NEK10: variants seen among roughly 807,000 people sequenced by gnomAD.
NEK10 encodes NIMA related kinase 10, also known as serine/threonine-protein kinase Nek10.
A neutral mutation model predicts 159.8 loss-of-function variants in NEK10; 122 were observed. The ratio of observed to expected loss-of-function variants is 0.76; its 90% CI spans 0.66 to 0.89. The LOEUF (loss-of-function observed/expected upper bound fraction) is 0.89, where lower values mean the gene tolerates loss of function less well. Ranked by LOEUF, NEK10 falls within the 40% of genes least tolerant of loss-of-function variation. The probability of loss-of-function intolerance (pLI) is 0.00; values close to 1 mark genes in which losing one functional copy is unlikely to be tolerated. For missense variants in NEK10, 1,342 were observed against 1,323.1 expected, an observed-to-expected ratio of 1.01 and a Z score of -0.22; for synonymous variants, 466 against 457.1, an observed-to-expected ratio of 1.02 and a Z score of -0.25.
intron 29 of NEK10, among the ~76,000 whole-genome samples, chr3:27,167,179 A>C (rs1443849134): frequency 6.6e-6 from 1 of 151,898 alleles, no homozygotes; most frequent in Admixed American, 6.6e-5. Context: ...AAAAAAAAAA[A>C]TGTGCCTTAA....
intron 24 of NEK10, 66 bp downstream of exon 24, chr3:27,202,362 G>A: frequency 6.8e-7 from 1 of 1,475,970 alleles, no homozygotes. Flanking sequence ...ACAAAGATCT[G>A]TTTAATAAGA....
intron 23 of NEK10, among the ~76,000 whole-genome samples, chr3:27,239,302 T>C (rs901553441): frequency 6.6e-6 from 1 of 152,198 alleles, no homozygotes; most frequent in Non-Finnish European, 1.5e-5. Context: ...AATATTCAAA[T>C]GTAGTAATTT....
chr3:27,204,249 C>T (rs1559605740), intron 23 of NEK10, among the ~76,000 whole-genome samples: 1 of 134,232 alleles, frequency 7.4e-6, no homozygotes, highest in East Asian at 2.2e-4. Context: ...GACAGCTTTC[C>T]ATTTTCTCCT....
At chr3:27,235,196 T>C (rs1216065214) in intron 23 of NEK10, among the ~76,000 whole-genome samples, 1 of 152,154 alleles carries the variant, frequency 6.6e-6, no homozygotes, top group Non-Finnish European at 1.5e-5. Flanking sequence ...ATTTAGGACA[T>C]AGGCACTGAC....
chr3:27,363,375 G>A (rs1171115717), intron 1 of NEK10, among the ~76,000 whole-genome samples: 1 of 152,116 alleles, frequency 6.6e-6, no homozygotes, highest in Non-Finnish European at 1.5e-5. Flanking sequence ...ACAGCTTTTT[G>A]GCTCATTCCC....
chr3:27,225,394 C>T (rs1952530802), intron 23 of NEK10, among the ~76,000 whole-genome samples: 1 of 152,186 alleles, frequency 6.6e-6, no homozygotes, highest in African/African-American at 2.4e-5. Context: ...AGTTGACACT[C>T]AGTATTAACC....
At chr3:27,319,432 C>G (rs2045458508) in intron 6 of NEK10, among the ~76,000 whole-genome samples, 1 of 152,224 alleles carries the variant, frequency 6.6e-6, no homozygotes, top group African/African-American at 2.4e-5. Flanking sequence ...CACCAGTTTG[C>G]AACCTCTGAG....
At chr3:27,148,568 C>T (rs988424587) in intron 30 of NEK10, among the ~76,000 whole-genome samples, 3 of 152,130 alleles carry the variant, frequency 2.0e-5, no homozygotes, top group Non-Finnish European at 4.4e-5. Context: ...TTGGTCAATG[C>T]AACAAACTAA....
chr3:27,141,475 C>T lies in NEK10; in HGVS notation c.2970+7G>A, dbSNP rs756415579. 8.8e-6 allele frequency: 14 copies of T among 1,594,376 alleles called. No homozygotes were observed. The highest frequency in any genetic ancestry group is 3.3e-4 in the Middle Eastern group (2 of 6,004). On this transcript the variant is annotated splice_region_variant and intron_variant, in intron 31 of 35. Transcript: ENST00000691995. ...ATGAAAAGGAAATAAAAAGCTAGAA[C>T]ACTGACCTGTGTGATATAGATTATT... is the stretch of plus-strand genomic sequence containing the variant.
At position 27,312,176 on chromosome 3, in the gene NEK10, T is replaced by C. The variant is rs761560283; in HGVS notation, c.491A>G (p.Tyr164Cys). 1.4e-5 allele frequency: 22 copies of C among 1,602,148 alleles called. No individual in the cohort carries two copies. Among genetic ancestry groups the C allele is most frequent in the South Asian group, 1.2e-4 (11 of 89,212 alleles). The change falls in exon 8 of 36, where the codon TAT (tyrosine) becomes TGT (cysteine). Residue 164 changes from tyrosine to cysteine, a missense_variant and splice_region_variant. Coordinates refer to ENST00000691995, the MANE Select transcript of NEK10 (RefSeq NM_001394966.1). ...SLGGIENLAQ[Y>C]MEIVANEYLG... Reference sequence around the variant, plus strand: ...GTACTCATTGGCTACAATCTCCATATACTGCATGAAGGACCAAACCAACAA... The same window carrying C: ...GTACTCATTGGCTACAATCTCCATACACTGCATGAAGGACCAAACCAACAA...
At chr3:27,184,274 G>A (rs539852644) in intron 26 of NEK10, among the ~76,000 whole-genome samples, 3 of 152,278 alleles carry the variant, frequency 2.0e-5, no homozygotes, top group Admixed American at 6.5e-5. Flanking sequence ...TACACACCAC[G>A]TGGGTGAATC....
At chr3:27,302,068 T>C (rs2043869515) in intron 12 of NEK10, among the ~76,000 whole-genome samples, 1 of 152,240 alleles carries the variant, frequency 6.6e-6, no homozygotes, top group Non-Finnish European at 1.5e-5. Context: ...CCCACTGCTC[T>C]ACATGGCCAC....
Position 27,301,810 on chromosome 3 carries a change from A to G in NEK10, c.1054T>C (p.Ser352Pro). The G allele has an allele frequency of 6.4e-7, 1 of 1,552,900 alleles. No individual in the cohort carries two copies. Among genetic ancestry groups the G allele is most frequent in the Non-Finnish European group, 8.7e-7 (1 of 1,147,432 alleles). The change falls in exon 13 of 36, where the codon TCC (serine) becomes CCC (proline). Residue 352 changes from serine (S) to proline (P), a missense_variant. Transcript: ENST00000691995. ...GCACTGGACAGGCTTCCAATGGAGGAGTGATCAGAAACAAAATTTCTGTCT... is the reference window on the plus strand; with the variant it reads ...GCACTGGACAGGCTTCCAATGGAGGGGTGATCAGAAACAAAATTTCTGTCT... ...QGDRNFVSDH[S>P]SIGSLSSANA...
At chr3:27,214,240 TA>T (rs1412720979) in intron 23 of NEK10, among the ~76,000 whole-genome samples, 4 of 152,230 alleles carry the variant, frequency 2.6e-5, no homozygotes, top group Non-Finnish European at 5.9e-5. Context: ...CTAAAACATG[TA>T]AAACCAAGCT....
intron 23 of NEK10, chr3:27,215,010 C>T (rs1951365855): frequency 1.6e-6 from 1 of 641,698 alleles, no homozygotes; most frequent in Non-Finnish European, 2.9e-6. Context: ...GGCCAAGCTC[C>T]AACTCCGACC....
At chr3:27,279,330 G>A (rs149756365) in intron 22 of NEK10, among the ~76,000 whole-genome samples, 3 of 152,224 alleles carry the variant, frequency 2.0e-5, no homozygotes, top group Non-Finnish European at 4.4e-5. Flanking sequence ...ACCTTCTAGC[G>A]CAAGCAAAGA....
At chr3:27,229,365 AG>A (rs1367971561) in intron 23 of NEK10, among the ~76,000 whole-genome samples, 1 of 152,210 alleles carries the variant, frequency 6.6e-6, no homozygotes, top group Non-Finnish European at 1.5e-5. Context: ...TGAAAAACAG[AG>A]TTAAATCAAA....
In NEK10 at chr3:27,108,761, C is replaced by A. The variant is rs1205235960; in HGVS notation, c.*2511G>T. ...GGAGAATCAAAACAAAATGATCATTCTTGGTCATGAGGGGAGGTGCTCCAT... is the reference window on the plus strand; with the variant it reads ...GGAGAATCAAAACAAAATGATCATTATTGGTCATGAGGGGAGGTGCTCCAT... On this transcript the variant is annotated 3_prime_UTR_variant, in exon 36 of 36. Transcript: ENST00000691995. Among the ~76,000 whole-genome samples, 1 of 152,118 alleles carries A rather than the reference C, an allele frequency of 6.6e-6. No individual in the cohort carries two copies. The highest frequency in any genetic ancestry group is 6.6e-5 in the Admixed American group (1 of 15,264).
intron 23 of NEK10, among the ~76,000 whole-genome samples, chr3:27,236,704 A>G (rs530881700): frequency 2.6e-5 from 4 of 152,322 alleles, no homozygotes; most frequent in Admixed American, 2.6e-4. Flanking sequence ...AATAGGTCAC[A>G]AAGATCACAT....
Sources: allele counts gnomAD v4.1 joint callset (sites outside exome capture counted in the v4.1 genomes callset), GRCh38; gene constraint gnomAD v4.1.1; transcripts MANE v1.5; gene names NCBI Gene and HGNC (gene_info 2026-07-23, HGNC 2026-07-21).